The following FAM53B variants were observed in gnomAD, a reference collection of about 807,000 sequenced individuals.
The protein encoded by FAM53B is family with sequence similarity 53 member B, also known as protein FAM53B.
A neutral mutation model predicts 32.7 loss-of-function variants in FAM53B; 12 were observed. The ratio of observed to expected loss-of-function variants is 0.37; its 90% CI spans 0.24 to 0.59. The LOEUF (loss-of-function observed/expected upper bound fraction) is 0.59. Among genes scored for constraint, FAM53B ranks in the 20% least tolerant of loss-of-function variants. The pLI is 0.72. For synonymous variants in FAM53B, 234 were observed against 228.7 expected, an observed-to-expected ratio of 1.02 and a Z score of -0.21; for missense variants, 477 against 577.7, an observed-to-expected ratio of 0.83 and a Z score of 1.79.
intron 1 of FAM53B, among the ~76,000 whole-genome samples, chr10:124,737,782 C>T (rs1950181067): frequency 6.6e-6 from 1 of 152,130 alleles, no homozygotes; most frequent in Non-Finnish European, 1.5e-5. Flanking sequence ...GTGAAAAAGA[C>T]TCACCACTCA....
intron 1 of FAM53B, among the ~76,000 whole-genome samples, chr10:124,717,414 T>C (rs943126396): frequency 6.6e-6 from 1 of 152,220 alleles, no homozygotes; most frequent in Non-Finnish European, 1.5e-5. Flanking sequence ...GAAAGGACAG[T>C]AAGCTGATGA....
At chr10:124,654,236 A>G (rs963062865) in intron 4 of FAM53B, among the ~76,000 whole-genome samples, 1 of 152,270 alleles carries the variant, frequency 6.6e-6, no homozygotes, top group African/African-American at 2.4e-5. Flanking sequence ...TGCGATTGTC[A>G]TCGTCATGCA....
At chr10:124,738,727 T>C (rs1231831665) in intron 1 of FAM53B, among the ~76,000 whole-genome samples, 1 of 152,130 alleles carries the variant, frequency 6.6e-6, no homozygotes, top group Non-Finnish European at 1.5e-5. Flanking sequence ...AAACAAAATA[T>C]GATATTGTAC....
intron 4 of FAM53B, among the ~76,000 whole-genome samples, chr10:124,672,332 C>T (rs1023392685): frequency 5.9e-5 from 9 of 152,262 alleles, no homozygotes; most frequent in African/African-American, 1.4e-4. Flanking sequence ...AGGCACCATG[C>T]TAACCTCGGG....
chr10:124,698,547 G>C (rs1949890896), intron 2 of FAM53B, among the ~76,000 whole-genome samples: 1 of 152,154 alleles, frequency 6.6e-6, no homozygotes, highest in Non-Finnish European at 1.5e-5. Context: ...CCAGCACACA[G>C]AGCACCCCAG....
At chr10:124,659,845 C>T (rs1681666298) in intron 4 of FAM53B, among the ~76,000 whole-genome samples, 1 of 152,264 alleles carries the variant, frequency 6.6e-6, no homozygotes, top group Non-Finnish European at 1.5e-5. Flanking sequence ...TCGCTCTTGT[C>T]ACCCAGGCTG....
chr10:124,627,023 T>C (rs1949360198), intron 4 of FAM53B, among the ~76,000 whole-genome samples: 1 of 152,270 alleles, frequency 6.6e-6, no homozygotes, highest in African/African-American at 2.4e-5. Context: ...TCCAGTATTC[T>C]TCAAATATAC....
At chr10:124,667,040 C>T (rs536991660) in intron 4 of FAM53B, 23 of 227,430 alleles carry the variant, frequency 1.0e-4, no homozygotes, top group Non-Finnish European at 1.5e-4. Flanking sequence ...CCCAACCCCC[C>T]CACACTCTTA....
chr10:124,681,246 T>G (rs1028507480), intron 4 of FAM53B, among the ~76,000 whole-genome samples: 1 of 152,046 alleles, frequency 6.6e-6, no homozygotes, highest in Non-Finnish European at 1.5e-5. Context: ...TGTATATCTC[T>G]TGCAGCAGCT....
chr10:124,691,568 T>A (rs569565507), intron 3 of FAM53B, among the ~76,000 whole-genome samples: 1 of 152,372 alleles, frequency 6.6e-6, no homozygotes, highest in African/African-American at 2.4e-5. Context: ...TTAAAATAAT[T>A]GGTATTGCCT....
chr10:124,623,409 C>T lies in FAM53B; in HGVS notation c.1102G>A (p.Ala368Thr), dbSNP rs779512998. 33 of 1,610,630 alleles carry T rather than the reference C, an allele frequency of 2.0e-5. No individual in the cohort carries two copies. In the East Asian group the frequency reaches 2.5e-4, roughly 12 times the overall value. ...TCACAGGACAGGTCCTCCTGGCAGGCGAGGTGGTCGTCGAAGGAAGGGGGA... is the reference window on the plus strand; with the variant it reads ...TCACAGGACAGGTCCTCCTGGCAGGTGAGGTGGTCGTCGAAGGAAGGGGGA... Reference protein sequence around the residue: ...PLPPSFDDHLACQEDLSCEES... With the variant: ...PLPPSFDDHLTCQEDLSCEES... The change falls in exon 5 of 5, where the codon GCC (alanine) becomes ACC (threonine). Residue 368 changes from alanine (A) to threonine (T), a missense_variant. Around this residue, in one of 2 missense-constraint regions of FAM53B, gnomAD observed 165 missense variants for 157.5 expected, o/e 1.05. Coordinates refer to ENST00000337318, the MANE Select transcript of FAM53B (RefSeq NM_014661.4).
At chr10:124,694,589 C>G (rs928090917) in intron 3 of FAM53B, among the ~76,000 whole-genome samples, 3 of 152,194 alleles carry the variant, frequency 2.0e-5, no homozygotes, top group Admixed American at 6.5e-5. Context: ...AAAGCCTAGG[C>G]AGGGTTGAGG....
chr10:124,722,747 A>C (rs1231988287), intron 1 of FAM53B, among the ~76,000 whole-genome samples: 1 of 152,212 alleles, frequency 6.6e-6, no homozygotes, highest in Non-Finnish European at 1.5e-5. Context: ...ATGCATATGG[A>C]ATATCTCTGG....
At chr10:124,627,614 A>G (rs965293303) in intron 4 of FAM53B, among the ~76,000 whole-genome samples, 17 of 152,154 alleles carry the variant, frequency 1.1e-4, no homozygotes, top group Non-Finnish European at 2.4e-4. Context: ...GCCTCAGGCT[A>G]GTGGCCAGGG....
At chr10:124,652,189 C>A (rs1229844294) in intron 4 of FAM53B, among the ~76,000 whole-genome samples, 1 of 152,192 alleles carries the variant, frequency 6.6e-6, no homozygotes, top group Non-Finnish European at 1.5e-5. Context: ...GTTATGAAAA[C>A]CCGCAGAGGG....
Position 124,696,204 on chromosome 10 carries a change from T to G in FAM53B, c.87A>C (p.Pro29=), listed in dbSNP as rs1451436282. 1 of 1,613,824 alleles carries G rather than the reference T, an allele frequency of 6.2e-7. No homozygotes were observed. The highest frequency in any genetic ancestry group is 8.5e-7 in the Non-Finnish European group (1 of 1,179,894). The stretch of plus-strand genomic sequence containing the variant: ...GTGTAGGTCCTTGACTCATCTTCTT[T>G]GGCGTGTGCTGAAAACAACCAGAAA... ...CGTFSRELHT[P]KKMSQGPTLF... is the part of the protein sequence containing the mutation. Residue 29 remains proline, a synonymous_variant, in exon 3 of 5, where the codon CCA becomes CCC. Transcript: ENST00000337318.
intron 1 of FAM53B, among the ~76,000 whole-genome samples, chr10:124,715,091 T>C (rs1214615775): frequency 1.3e-5 from 2 of 152,194 alleles, no homozygotes; most frequent in African/African-American, 4.8e-5. Context: ...CATTGTTAAT[T>C]ATCCTTTAAG....
intron 4 of FAM53B, among the ~76,000 whole-genome samples, chr10:124,662,436 A>C (rs1949638140): frequency 1.3e-5 from 2 of 151,152 alleles, no homozygotes; most frequent in Non-Finnish European, 3.0e-5. Context: ...CCATCCATCC[A>C]TCCACCCACC....
At chr10:124,648,209 T>C (rs1949532053) in intron 4 of FAM53B, among the ~76,000 whole-genome samples, 2 of 152,176 alleles carry the variant, frequency 1.3e-5, no homozygotes, top group East Asian at 1.9e-4. Context: ...GATCCAAGGC[T>C]CTGGGAGCGT....
Sources: allele counts gnomAD v4.1 joint callset (sites outside exome capture counted in the v4.1 genomes callset), GRCh38; gene constraint gnomAD v4.1.1; regional missense constraint gnomAD v4.1.1; transcripts MANE v1.5; gene names NCBI Gene and HGNC (gene_info 2026-07-23, HGNC 2026-07-21).